Variants in INHBA observed in about 807,000 individuals in gnomAD.
INHBA encodes the protein inhibin subunit beta A.
Under a neutral mutation model 29.0 loss-of-function variants are expected in INHBA, and 1 was observed. The observed-to-expected ratio is 0.03, with a 90% CI of 0.01 to 0.16. The LOEUF (loss-of-function observed/expected upper bound fraction) is 0.16, where lower values mean the gene tolerates loss of function less well. Ranked by LOEUF, INHBA falls within the 10% of genes least tolerant of loss-of-function variation. INHBA has a pLI of 1.00. For missense variants in INHBA, 376 were observed against 545.4 expected, an observed-to-expected ratio of 0.69 and a Z score of 3.09; for synonymous variants, 242 against 216.8, an observed-to-expected ratio of 1.12 and a Z score of -1.02.
intron 1 of INHBA, among the ~76,000 whole-genome samples, chr7:41,701,125 C>T (rs1166116525): frequency 6.6e-6 from 1 of 152,054 alleles, no homozygotes; most frequent in East Asian, 1.9e-4. Flanking sequence ...CTGGTTTCAC[C>T]TTCTTCCTTT....
Position 41,700,328 on chromosome 7 carries a change from A to G in INHBA, c.47T>C (p.Ile16Thr), listed in dbSNP as rs758814874. The change falls in exon 2 of 3, where the codon ATT becomes ACT. Residue 16 changes from isoleucine to threonine, a missense_variant. Transcript: ENST00000242208. ...TGGGGTGGGGGAACTCCTCACTATA[A>G]TCCAGCAACTTGCCAACAGAAATCC... ...LRGFLLASCW[I>T]IVRSSPTPGS... 3 of 1,516,092 alleles carry G rather than the reference A, an allele frequency of 2.0e-6. No homozygotes were observed. The highest frequency in any genetic ancestry group is 2.6e-6 in the Non-Finnish European group (3 of 1,132,268). The allele number at this position is 1,516,092 out of a possible 1,614,324, so 93.9% of individuals were successfully genotyped here.
intron 2 of INHBA, among the ~76,000 whole-genome samples, chr7:41,699,228 T>C (rs1794716588): frequency 6.6e-6 from 1 of 152,214 alleles, no homozygotes; most frequent in South Asian, 2.1e-4. Context: ...TTTGTCAAGG[T>C]TGCGTTCCTT....
chr7:41,690,618 A>G, intron 2 of INHBA, 76 bp from the exon 3 acceptor site: 1 of 1,449,460 alleles, frequency 6.9e-7, no homozygotes. Context: ...CGTAAATTTC[A>G]GGCAAGCAGG....
At chr7:41,696,508 C>A (rs1794651144) in intron 2 of INHBA, among the ~76,000 whole-genome samples, 1 of 152,172 alleles carries the variant, frequency 6.6e-6, no homozygotes, top group African/African-American at 2.4e-5. Context: ...AGGGAGCAGG[C>A]GGTAACTGAT....
At chr7:41,698,644 C>T (rs73326001) in intron 2 of INHBA, among the ~76,000 whole-genome samples, 6,691 of 152,134 alleles carry the variant, frequency 0.044, 504 homozygotes, top group African/African-American at 0.15. Flanking sequence ...GTGAGAGAGG[C>T]TTCTGGTGAG....
intron 2 of INHBA, chr7:41,691,941 G>A (rs956206631): frequency 1.3e-5 from 2 of 152,204 alleles, no homozygotes; most frequent in South Asian, 4.1e-4. Flanking sequence ...AGAAACATAT[G>A]TCAAATAGCA....
chr7:41,702,674 C>A (rs1284593457), intron 1 of INHBA, among the ~76,000 whole-genome samples: 1 of 152,178 alleles, frequency 6.6e-6, no homozygotes, highest in Non-Finnish European at 1.5e-5. Flanking sequence ...CTAATAGCAG[C>A]ATTTAGATAA....
chr7:41,689,504 T>G lies in INHBA; in HGVS notation c.*146A>C. 2.6e-6 allele frequency: 2 copies of G among 762,904 alleles called. No homozygotes were observed. Among genetic ancestry groups the G allele is most frequent in the Non-Finnish European group, 3.8e-6 (2 of 524,292 alleles). The allele number at this position is 762,904 out of a possible 1,614,324, so 47.3% of individuals were successfully genotyped here. ...CTGTTTCATCAGGTTTTGTTTTTAA[T>G]TTACTTTTGTTTTTTTTTGTTTTTT... is the stretch of plus-strand genomic sequence containing the variant. On this transcript the variant is annotated 3_prime_UTR_variant, in exon 3 of 3. Coordinates refer to ENST00000242208, the MANE Select transcript of INHBA (RefSeq NM_002192.4).
At chr7:41,699,808 C>T (rs1270918475) in intron 2 of INHBA, among the ~76,000 whole-genome samples, 179 bp downstream of exon 2, 3 of 152,156 alleles carry the variant, frequency 2.0e-5, no homozygotes, top group African/African-American at 7.2e-5. Context: ...GTAAAGTCCT[C>T]TCCCCCTCCC....
chr7:41,704,931 C>T (rs1794880505), upstream of INHBA, among the ~76,000 whole-genome samples: 1 of 152,142 alleles, frequency 6.6e-6, no homozygotes, highest in Non-Finnish European at 1.5e-5. Context: ...TGAAACTCCG[C>T]TGGCCATCTG....
Position 41,689,959 on chromosome 7 carries a change from T to C in INHBA, c.972A>G (p.Lys324=), listed in dbSNP as rs1018825108. 12 of 1,613,930 alleles carry C rather than the reference T, an allele frequency of 7.4e-6. No homozygotes were observed. The African/African-American group carries it at 1.5e-4, about 20-fold the overall frequency. ...TGTCCTTGAAACTGACAAAGAACTG[T>C]TTCTTACAGCAGATGTTGACCTTGC... ...CDGKVNICCK[K]QFFVSFKDIG... The change falls in exon 3 of 3, where the codon AAA becomes AAG. Residue 324 remains lysine (K), a synonymous_variant. Transcript: ENST00000242208.
chr7:41,700,027 A>G lies in INHBA; in HGVS notation c.348T>C (p.Leu116=), dbSNP rs770345466. The change falls in exon 2 of 3, where the codon CTT becomes CTC. Residue 116 remains leucine (L), a synonymous_variant. Transcript: ENST00000242208. ...TGATGATCTCCGAGGTCTGCTCCAT[A>G]AGTTCATTCATTTCTGCCCTCCTTC... ...DIGRRAEMNE[L]MEQTSEIITF... The G allele has an allele frequency of 6.4e-7, 1 of 1,568,450 alleles. No homozygotes were observed. Among genetic ancestry groups the G allele is most frequent in the Non-Finnish European group, 8.6e-7 (1 of 1,157,274 alleles).
At chr7:41,691,387 G>A (rs1228513759) in intron 2 of INHBA, 8 of 152,288 alleles carry the variant, frequency 5.3e-5, no homozygotes, top group Non-Finnish European at 1.2e-4. Context: ...TCCCACAGGT[G>A]GATCTGATCA....
At chr7:41,701,226 C>T (rs947300893) in intron 1 of INHBA, among the ~76,000 whole-genome samples, 2 of 152,114 alleles carry the variant, frequency 1.3e-5, no homozygotes, top group Non-Finnish European at 2.9e-5. Context: ...CGCCCCTCCA[C>T]CCAGCCAAGC....
Position 41,700,388 on chromosome 7 carries a change from G to T in INHBA, c.-14C>A. The T allele has an allele frequency of 7.0e-7, 1 of 1,434,222 alleles. No individual in the cohort carries two copies. Among genetic ancestry groups the T allele is most frequent in the Non-Finnish European group, 9.2e-7 (1 of 1,092,376 alleles). 88.8% of individuals were successfully genotyped at this position (1,434,222 alleles called of 1,614,324 possible). The stretch of plus-strand genomic sequence containing the variant: ...AAGCAAGGGCATCCTGGCAGCAAAA[G>T]TTGTTGTGATTGCCTTTTTAAAAGG... On this transcript the variant is annotated 5_prime_UTR_variant, in exon 2 of 3. Transcript: ENST00000242208.
intron 2 of INHBA, among the ~76,000 whole-genome samples, chr7:41,696,110 A>G (rs1349592934): frequency 2.0e-5 from 3 of 152,100 alleles, no homozygotes; most frequent in East Asian, 3.9e-4. Context: ...GCCGAACACC[A>G]TGTTCCCACA....
At chr7:41,704,722 C>T (rs772668881), upstream of INHBA, among the ~76,000 whole-genome samples, 4 of 151,786 alleles carry the variant, frequency 2.6e-5, no homozygotes, top group Non-Finnish European at 5.9e-5. Context: ...TTCCTCTGCT[C>T]ACTCACCGTG....
chr7:41,698,694 C>G (rs945558102), intron 2 of INHBA, among the ~76,000 whole-genome samples: 8 of 152,184 alleles, frequency 5.3e-5, no homozygotes, highest in African/African-American at 1.9e-4. Flanking sequence ...CAGGGCTTCT[C>G]CTGCAAGGGG....
rs1794419652 is a variant in INHBA, at chr7:41,687,841, G to A, written c.*1809C>T. ...ATTCTGGCCTAAATATTATTTTTCT[G>A]AAAAAGCTTCTGATTTAAGATTGAT... On this transcript the variant is annotated 3_prime_UTR_variant, in exon 3 of 3. Coordinates refer to ENST00000242208, the MANE Select transcript of INHBA (RefSeq NM_002192.4). The A allele has an allele frequency of 6.6e-6, 1 of 152,080 alleles. No individual in the cohort carries two copies. The highest frequency in any genetic ancestry group is 6.5e-5 in the Admixed American group (1 of 15,268). The allele number at this position is 152,080 out of a possible 1,614,324, so 9.4% of individuals were successfully genotyped here.
Sources: gnomAD v4.1 joint callset for allele counts (sites outside exome capture counted in the v4.1 genomes callset) on GRCh38, gnomAD v4.1.1 for gene constraint, MANE v1.5 for transcripts, NCBI Gene and HGNC (gene_info 2026-07-23, HGNC 2026-07-21) for gene names.